The following FNBP1 variants were observed in gnomAD, a reference collection of about 807,000 sequenced individuals.
FNBP1 encodes the protein formin binding protein 1.
In FNBP1, 26 loss-of-function variants were observed where a neutral mutation model predicts 90.6. That is an observed-to-expected ratio of 0.29 (90% CI 0.21 to 0.40). The LOEUF (loss-of-function observed/expected upper bound fraction) is 0.40, where lower values mean the gene tolerates loss of function less well. Among genes scored for constraint, FNBP1 ranks in the 10% least tolerant of loss-of-function variants. The probability of loss-of-function intolerance (pLI) is 1.00; values close to 1 mark genes in which losing one functional copy is unlikely to be tolerated. For missense variants in FNBP1, 635 were observed against 768.0 expected (o/e 0.83, Z 2.05); for synonymous variants, 260 against 265.2 (o/e 0.98, Z 0.19).
intron 8 of FNBP1, among the ~76,000 whole-genome samples, chr9:129,926,347 A>G (rs79639102): frequency 0.081 from 12,302 of 152,098 alleles, 552 homozygotes; most frequent in East Asian, 0.1. Flanking sequence ...TCTAGTTTAT[A>G]TTTTTTTGAG....
chr9:129,978,338 T>A (rs1589029397), intron 4 of FNBP1, 127 bp downstream of exon 4: 1 of 832,912 alleles, frequency 1.2e-6, no homozygotes, highest in South Asian at 1.9e-5. Context: ...AACTTTTATA[T>A]GATTCTCAAA....
chr9:130,048,511 G>A, the FNBP1 span, among the ~76,000 whole-genome samples: 1 of 14,896 alleles, frequency 6.7e-5, no homozygotes, highest in African/African-American at 2.3e-4. Flanking sequence ...TTTTTGAGAC[G>A]GAGTCTCGCT....
intron 15 of FNBP1, among the ~76,000 whole-genome samples, chr9:129,899,144 C>T (rs1240224233): frequency 6.6e-6 from 1 of 150,796 alleles, no homozygotes; most frequent in Non-Finnish European, 1.5e-5. Flanking sequence ...GTGGCGCTAT[C>T]TCAGCTCACT....
intron 1 of FNBP1, among the ~76,000 whole-genome samples, chr9:130,009,025 C>T (rs576585226): frequency 7.7e-4 from 117 of 152,156 alleles, no homozygotes; most frequent in African/African-American, 2.7e-3. Context: ...GAAGAAAAAG[C>T]CAGATTTTTA....
intron 6 of FNBP1, among the ~76,000 whole-genome samples, chr9:129,940,611 C>CAT (rs33912117): frequency 6.7e-6 from 1 of 150,152 alleles, no homozygotes; most frequent in African/African-American, 2.5e-5. Flanking sequence ...GGAGAGTTTT[C>CAT]ATATATATAT....
At chr9:129,892,258 G>C (rs112740426) in intron 16 of FNBP1, among the ~76,000 whole-genome samples, 1 of 152,018 alleles carries the variant, frequency 6.6e-6, no homozygotes, top group African/African-American at 2.4e-5. Context: ...ATTTAACAGA[G>C]AGCAATCGAA....
Position 130,031,381 on chromosome 9 carries a change from T to C in FNBP1, c.24+11571A>G, listed in dbSNP as rs144344339. ...ATAGTCCTCACATGGTTTTTAGCTATAGTCTGCCTCTTCAGGCTCCTATTA... is the reference window on the plus strand; with the variant it reads ...ATAGTCCTCACATGGTTTTTAGCTACAGTCTGCCTCTTCAGGCTCCTATTA... On this transcript the variant is annotated intron_variant, in intron 1 of 16. Coordinates refer to ENST00000446176, the MANE Select transcript of FNBP1 (RefSeq NM_015033.3). This position sits in a 1 kb window ranked among gnomAD's most constrained non-coding sequence, Gnocchi z 4.2. Among the ~76,000 whole-genome samples the C allele has an allele frequency of 3.3e-5, 5 of 152,364 alleles. No individual in the cohort carries two copies. The highest frequency in any genetic ancestry group is 9.6e-5 in the African/African-American group (4 of 41,590).
At chr9:130,039,441 G>A (rs1589436421) in intron 1 of FNBP1, among the ~76,000 whole-genome samples, 2 of 152,128 alleles carry the variant, frequency 1.3e-5, no homozygotes, top group African/African-American at 4.8e-5. Context: ...TTGGGAGGCC[G>A]AGGCGGGCAG....
chr9:130,032,470 CAAT>C (rs2058892413), intron 1 of FNBP1, among the ~76,000 whole-genome samples: 2 of 152,152 alleles, frequency 1.3e-5, no homozygotes, highest in South Asian at 4.1e-4. Context: ...CGTGCCTGGC[CAAT>C]AAGTAAAATG....
At chr9:129,932,520 C>A (rs2042919082) in intron 6 of FNBP1, among the ~76,000 whole-genome samples, 1 of 152,076 alleles carries the variant, frequency 6.6e-6, no homozygotes, top group Admixed American at 6.6e-5. Context: ...TATTTTCTTC[C>A]CTATTCACAC....
intron 8 of FNBP1, among the ~76,000 whole-genome samples, chr9:129,926,159 A>ATG (rs946970740): frequency 1.4e-4 from 21 of 151,786 alleles, no homozygotes; most frequent in South Asian, 4.2e-4. Flanking sequence ...TTTAGTAGAG[A>ATG]TGTGGTTTCA....
At chr9:130,052,654 G>A in the FNBP1 span, among the ~76,000 whole-genome samples, 3 of 151,714 alleles carry the variant, frequency 2.0e-5, no homozygotes, top group African/African-American at 7.3e-5. Context: ...GGCTGGTCCC[G>A]AACAACTGAC....
At chr9:129,998,832 A>G (rs2054403876) in intron 1 of FNBP1, among the ~76,000 whole-genome samples, 1 of 152,230 alleles carries the variant, frequency 6.6e-6, no homozygotes, top group Admixed American at 6.5e-5. Context: ...TGTTTTCCAT[A>G]AAGTTATCTC....
At chr9:129,995,264 G>A (rs907652763) in intron 1 of FNBP1, among the ~76,000 whole-genome samples, 5 of 152,054 alleles carry the variant, frequency 3.3e-5, no homozygotes, top group African/African-American at 1.2e-4. Flanking sequence ...GCCAAAAACC[G>A]ACAGGTGAAA....
At chr9:129,891,471 AAAAAG>A (rs774457016) in intron 16 of FNBP1, among the ~76,000 whole-genome samples, 18 of 152,312 alleles carry the variant, frequency 1.2e-4, no homozygotes, top group Non-Finnish European at 1.8e-4. Context: ...ACTCCAGAAA[AAAAAG>A]AAAAGAAAAG....
At chr9:129,946,026 G>A (rs377174096) in intron 6 of FNBP1, among the ~76,000 whole-genome samples, 29 of 152,122 alleles carry the variant, frequency 1.9e-4, no homozygotes, top group African/African-American at 4.8e-4. Flanking sequence ...AAAATTAGCC[G>A]GGTGTAGTGG....
chr9:130,030,409 T>G (rs955891452), intron 1 of FNBP1, among the ~76,000 whole-genome samples: 1 of 145,262 alleles, frequency 6.9e-6, no homozygotes, highest in Non-Finnish European at 1.5e-5. Flanking sequence ...CACTCCAGCC[T>G]GGGTGACAGA....
At chr9:129,928,171 A>C (rs1410204022) in intron 7 of FNBP1, among the ~76,000 whole-genome samples, 1 of 152,242 alleles carries the variant, frequency 6.6e-6, no homozygotes, top group Non-Finnish European at 1.5e-5. Flanking sequence ...AAATGGAAGA[A>C]CATATGTCTA....
At position 130,042,234 on chromosome 9, in the gene FNBP1, T is replaced by TA. The variant is rs1467393656; in HGVS notation, c.24+717dup. The stretch of plus-strand genomic sequence containing the variant: ...TGGAAACTATTCTCCGAGCAACCGT[T>TA]AAAGATCATTGACCCCGCGAACGCC... On this transcript the variant is annotated intron_variant, in intron 1 of 16. Coordinates refer to ENST00000446176, the MANE Select transcript of FNBP1 (RefSeq NM_015033.3). The surrounding 1 kb of genome is among the most constrained non-coding windows in gnomAD (Gnocchi z 5.5). Among the ~76,000 whole-genome samples, 1 of 152,080 alleles carries TA rather than the reference T, an allele frequency of 6.6e-6. No individual in the cohort carries two copies.
Sources: allele counts gnomAD v4.1 joint callset (sites outside exome capture counted in the v4.1 genomes callset), GRCh38; gene constraint gnomAD v4.1.1; non-coding constraint Gnocchi (gnomAD v3.1); transcripts MANE v1.5; gene names NCBI Gene and HGNC (gene_info 2026-07-23, HGNC 2026-07-21).